The following EIF2AK4 variants were observed in gnomAD, a reference collection of about 807,000 sequenced individuals.
The protein encoded by EIF2AK4 is eIF-2-alpha kinase GCN2.
Under a neutral mutation model 211.1 loss-of-function variants are expected in EIF2AK4, and 139 were observed. That is an observed-to-expected ratio of 0.66 (90% CI 0.57 to 0.76). The LOEUF (loss-of-function observed/expected upper bound fraction) is 0.76, where lower values mean the gene tolerates loss of function less well. EIF2AK4 is among the 30% of genes least tolerant of loss of function. EIF2AK4 has a pLI of 0.00. For missense variants in EIF2AK4, 1,664 were observed against 2,043.8 expected, an observed-to-expected ratio of 0.81 and a Z score of 3.58; for synonymous variants, 710 against 751.3, an observed-to-expected ratio of 0.94 and a Z score of 0.90.
chr15:39,938,787 G>A (rs2034103358), intron 1 of EIF2AK4, among the ~76,000 whole-genome samples: 1 of 152,196 alleles, frequency 6.6e-6, no homozygotes, highest in Non-Finnish European at 1.5e-5. Context: ...GCCTTGCAAA[G>A]TTGGTAAGGT....
At chr15:39,994,005 T>C (rs1271270257) in intron 18 of EIF2AK4, among the ~76,000 whole-genome samples, 1 of 152,030 alleles carries the variant, frequency 6.6e-6, no homozygotes, top group South Asian at 2.1e-4. Flanking sequence ...AGGGAAAGAG[T>C]CCAGGGCTCA....
intron 25 of EIF2AK4, among the ~76,000 whole-genome samples, chr15:40,009,069 T>TTTTTGTTTTG (rs57240792): frequency 0.089 from 13,121 of 146,696 alleles, 762 homozygotes; most frequent in East Asian, 0.15. Context: ...GTCAGAGTTG[T>TTTTTGTTTTG]TTTTGTTTTG....
At chr15:40,011,785 T>C (rs1468134147) in intron 27 of EIF2AK4, among the ~76,000 whole-genome samples, 1 of 152,160 alleles carries the variant, frequency 6.6e-6, no homozygotes, top group African/African-American at 2.4e-5. Context: ...CTCCTCAGAG[T>C]TGAATTAAAG....
Position 39,952,528 on chromosome 15 carries a change from A to G in EIF2AK4, c.514-1376A>G, listed in dbSNP as rs117083823. On this transcript the variant is annotated intron_variant, in intron 4 of 38. Transcript: ENST00000263791. ...TGGGCTCAACCAATCCTCTGGCCTC[A>G]ACCTCTCAAAGTGTTAGGATTACAG... 2.4e-3 allele frequency among the ~76,000 whole-genome samples: 361 copies of G among 152,192 alleles called. 4 individuals are homozygous for G. Among genetic ancestry groups the G allele is most frequent in the East Asian group, 0.018 (91 of 5,178 alleles).
chr15:39,989,500 AAT>A (rs1455187879), intron 15 of EIF2AK4, among the ~76,000 whole-genome samples: 2 of 152,180 alleles, frequency 1.3e-5, no homozygotes, highest in Admixed American at 1.3e-4. Flanking sequence ...ATGCTAGAAC[AAT>A]GCCCCCTGTG....
intron 2 of EIF2AK4, among the ~76,000 whole-genome samples, chr15:39,942,846 C>G (rs146523754): frequency 6.6e-6 from 1 of 152,308 alleles, no homozygotes; most frequent in Admixed American, 6.5e-5. Flanking sequence ...CAGGGCTCCA[C>G]TCATCTATTT....
intron 13 of EIF2AK4, among the ~76,000 whole-genome samples, chr15:39,980,122 G>C (rs1467285004): frequency 6.6e-6 from 1 of 152,102 alleles, no homozygotes; most frequent in Non-Finnish European, 1.5e-5. Context: ...CCATCAAAAC[G>C]AAGTTATTTC....
intron 5 of EIF2AK4, among the ~76,000 whole-genome samples, chr15:39,955,320 A>G (rs2034374219): frequency 6.6e-6 from 1 of 152,246 alleles, no homozygotes; most frequent in East Asian, 1.9e-4. Context: ...TTAATTGACC[A>G]ATAATAGTTG....
At chr15:39,944,598 A>AT (rs1254694576) in intron 3 of EIF2AK4, among the ~76,000 whole-genome samples, 13 of 151,412 alleles carry the variant, frequency 8.6e-5, no homozygotes, top group Non-Finnish European at 1.6e-4. Flanking sequence ...TGCCCGGCTA[A>AT]TTTTTTTTGT....
rs149252014 is a variant in EIF2AK4 at position 40,002,942 on chromosome 15, G to A, written c.3235+154G>A. 3.9e-3 allele frequency among the ~76,000 whole-genome samples: 587 copies of A among 152,308 alleles called. 5 individuals carry two copies. Among genetic ancestry groups the A allele is most frequent in the Admixed American group, 0.012 (188 of 15,298 alleles). ...GGAATTTAAGCTTATTTTTGAAACT[G>A]ATTTGAATATTACAGCCTTACTATT... is the stretch of plus-strand genomic sequence containing the variant. On this transcript the variant is annotated intron_variant, in intron 22 of 38. Transcript: ENST00000263791.
At chr15:40,026,147 G>A (rs1048515508) in intron 33 of EIF2AK4, 58 bp downstream of exon 33, 19 of 1,445,464 alleles carry the variant, frequency 1.3e-5, no homozygotes, top group African/African-American at 4.2e-5. Context: ...TGGAAACTAC[G>A]TAAATTTATT....
chr15:39,953,632 T>G (rs540261576), intron 4 of EIF2AK4, among the ~76,000 whole-genome samples: 70 of 152,298 alleles, frequency 4.6e-4, no homozygotes, highest in Admixed American at 1.3e-3. Flanking sequence ...GTTGCTGTAG[T>G]GGAAATCTCC....
At chr15:40,005,570 T>C (rs1391996118) in intron 23 of EIF2AK4, among the ~76,000 whole-genome samples, 1 of 151,844 alleles carries the variant, frequency 6.6e-6, no homozygotes, top group African/African-American at 2.4e-5. Flanking sequence ...CATGTACTTT[T>C]TTGTTTTATT....
At chr15:40,004,905 G>T (rs1442054784) in intron 23 of EIF2AK4, among the ~76,000 whole-genome samples, 1 of 152,038 alleles carries the variant, frequency 6.6e-6, no homozygotes, top group Non-Finnish European at 1.5e-5. Flanking sequence ...ATATGTATAA[G>T]ATGAAAATAC....
chr15:39,965,851 T>C lies in EIF2AK4; in HGVS notation c.1017+8T>C. On this transcript the variant is annotated splice_region_variant and intron_variant, in intron 8 of 38. Transcript: ENST00000263791. ...GATAAGTGCAAAAAGCAGGTAAGCATCCAAGGTGGCTGACTGAGCAAAAGG... is the reference window on the plus strand; with the variant it reads ...GATAAGTGCAAAAAGCAGGTAAGCACCCAAGGTGGCTGACTGAGCAAAAGG... 6.2e-7 allele frequency: 1 copy of C among 1,613,558 alleles called. No individual in the cohort carries two copies. Among genetic ancestry groups the C allele is most frequent in the Non-Finnish European group, 8.5e-7 (1 of 1,179,830 alleles).
At chr15:40,026,168 A>G in intron 33 of EIF2AK4, 79 bp downstream of exon 33, 1 of 1,343,662 alleles carries the variant, frequency 7.4e-7, no homozygotes, top group Non-Finnish European at 1.0e-6. Flanking sequence ...TTAAAAGTCA[A>G]TTTGAGCCAG....
intron 2 of EIF2AK4, among the ~76,000 whole-genome samples, chr15:39,941,348 C>T (rs527430181): frequency 7.9e-5 from 12 of 152,210 alleles, no homozygotes; most frequent in African/African-American, 2.9e-4. Context: ...ACCAGAGTTC[C>T]CTCATGAGTA....
chr15:39,944,373 C>T (rs1386862762), intron 3 of EIF2AK4, among the ~76,000 whole-genome samples: 1 of 151,420 alleles, frequency 6.6e-6, no homozygotes, highest in African/African-American at 2.4e-5. Context: ...CGCTTCTTTG[C>T]CCCACTTTTG....
intron 3 of EIF2AK4, among the ~76,000 whole-genome samples, chr15:39,944,397 A>G (rs1179063139): frequency 6.8e-6 from 1 of 146,170 alleles, no homozygotes; most frequent in Non-Finnish European, 1.5e-5. Context: ...AAAATCACTC[A>G]GTGTTTTTGC....
Sources: gnomAD v4.1 joint callset for allele counts (sites outside exome capture counted in the v4.1 genomes callset) on GRCh38, gnomAD v4.1.1 for gene constraint, MANE v1.5 for transcripts, NCBI Gene and HGNC (gene_info 2026-07-23, HGNC 2026-07-21) for gene names.